The following ACER1 variants were observed in gnomAD, a reference collection of about 807,000 sequenced individuals.
ACER1 encodes CTB-180A7.3.
In ACER1, 28 loss-of-function variants were observed where a neutral mutation model predicts 24.9. The ratio of observed to expected loss-of-function variants is 1.13; its 90% CI spans 0.83 to 1.54. The LOEUF is 1.54. ACER1 is among the 40% of genes most tolerant of loss of function. The pLI is 0.00. For synonymous variants in ACER1, 132 were observed against 131.4 expected, an observed-to-expected ratio of 1.00 and a Z score of -0.03; for missense variants, 352 against 349.3, an observed-to-expected ratio of 1.01 and a Z score of -0.06.
At chr19:6,339,307 C>G in the ACER1 span, among the ~76,000 whole-genome samples, 709 of 152,302 alleles carry the variant, frequency 4.7e-3, 5 homozygotes, top group African/African-American at 0.016. Context: ...AATTCTGATA[C>G]AGGCAACAAC....
intron 1 of ACER1, among the ~76,000 whole-genome samples, chr19:6,325,106 C>T (rs908971724): frequency 2.6e-5 from 4 of 152,110 alleles, no homozygotes; most frequent in African/African-American, 9.7e-5. Flanking sequence ...TCTCTCTGCC[C>T]ATCTGCCAAA....
intron 1 of ACER1, among the ~76,000 whole-genome samples, chr19:6,313,948 G>C (rs2091592463): frequency 6.6e-6 from 1 of 152,078 alleles, no homozygotes; most frequent in Admixed American, 6.6e-5. Flanking sequence ...TCCCTATACA[G>C]TCATCAGACA....
the ACER1 span, among the ~76,000 whole-genome samples, chr19:6,349,549 A>G: frequency 6.6e-6 from 1 of 152,044 alleles, no homozygotes; most frequent in Non-Finnish European, 1.5e-5. Context: ...AAGGGCAGAC[A>G]GAACTGGGCA....
chr19:6,335,009 A>C (rs2091707205), upstream of ACER1, among the ~76,000 whole-genome samples: 1 of 145,928 alleles, frequency 6.9e-6, no homozygotes, highest in Non-Finnish European at 1.5e-5. Flanking sequence ...AAGTGTGCAT[A>C]ACAATAATAA....
the ACER1 span, among the ~76,000 whole-genome samples, chr19:6,352,959 G>A: frequency 8.5e-5 from 13 of 152,308 alleles, 1 homozygote; most frequent in East Asian, 2.5e-3. Context: ...GGTTGATTTG[G>A]AGCCAAGAGC....
chr19:6,308,401 C>T (rs1255058823), intron 4 of ACER1, among the ~76,000 whole-genome samples: 2 of 148,202 alleles, frequency 1.3e-5, no homozygotes, highest in African/African-American at 2.5e-5. Context: ...CACCATTGCA[C>T]TCCAGCCTGG....
chr19:6,336,963 G>A (rs2091716992), upstream of ACER1, among the ~76,000 whole-genome samples: 1 of 151,916 alleles, frequency 6.6e-6, no homozygotes, highest in South Asian at 2.1e-4. Flanking sequence ...AGCACTTGAG[G>A]TCAGGAGTTC....
chr19:6,327,803 A>G (rs111372085), intron 1 of ACER1, among the ~76,000 whole-genome samples: 21,076 of 151,792 alleles, frequency 0.14, 2,753 homozygotes, highest in African/African-American at 0.35. Context: ...TTGGCCAGGC[A>G]CGGTGGCTTG....
In ACER1 at chr19:6,306,592, A is replaced by G. The variant is rs891544592; in HGVS notation, c.*122T>C. 9 of 1,209,598 alleles carry G rather than the reference A, an allele frequency of 7.4e-6. No homozygotes were observed. Among genetic ancestry groups the G allele is most frequent in the Non-Finnish European group, 1.0e-5 (9 of 872,502 alleles). The allele number at this position is 1,209,598 out of a possible 1,614,324, so 74.9% of individuals were successfully genotyped here. A position where few individuals can be genotyped will look rare whatever the true frequency, so the allele number is the denominator to read the frequency against. On this transcript the variant is annotated 3_prime_UTR_variant, in exon 6 of 6. Transcript: ENST00000301452. ...CAGGGCAGCGCAGGACAAGGAGGAC[A>G]CGGAAGGGGAAACAGAGGAAGGAAC...
rs756498234 is a variant in ACER1, at chr19:6,312,263, G to A, written c.236C>T (p.Thr79Met). 20 of 1,614,018 alleles carry A rather than the reference G, an allele frequency of 1.2e-5. No individual in the cohort carries two copies. The highest frequency in any genetic ancestry group is 1.6e-4 in the Middle Eastern group (1 of 6,084). Residue 79 changes from threonine (T) to methionine (M), a missense_variant, in exon 3 of 6, where the codon ACG (threonine) becomes ATG (methionine). By Grantham distance (81) the Thr-to-Met change is moderately conservative (BLOSUM62 -1). Coordinates refer to ENST00000301452, the MANE Select transcript of ACER1 (RefSeq NM_133492.3). The stretch of plus-strand genomic sequence containing the variant: ...CAGCAGCTGGCCCAGGAAGCTGAGC[G>A]TCATGTGGAAATACATGGAGAACAG... ...IGLFSMYFHM[T>M]LSFLGQLLDE...
the ACER1 span, among the ~76,000 whole-genome samples, chr19:6,348,993 T>A: frequency 0.017 from 2,520 of 151,516 alleles, 65 homozygotes; most frequent in African/African-American, 0.059. Flanking sequence ...GAGGCGCGGG[T>A]TGCAGTGAGC....
upstream of ACER1, among the ~76,000 whole-genome samples, chr19:6,335,224 C>CTTTTTTTTTT (rs146932699): frequency 7.6e-4 from 78 of 102,226 alleles, no homozygotes; most frequent in Non-Finnish European, 1.0e-3. Flanking sequence ...ATTTAACGTT[C>CTTTTTTTTTT]TTTTTTTTTT....
chr19:6,315,680 A>C (rs1253609870), intron 1 of ACER1, among the ~76,000 whole-genome samples: 1 of 144,058 alleles, frequency 6.9e-6, no homozygotes, highest in East Asian at 2.4e-4. Context: ...CGGCCAGCCT[A>C]ATTTTTGTAT....
At chr19:6,307,739 C>T (rs377626758) in intron 4 of ACER1, among the ~76,000 whole-genome samples, 4 of 152,078 alleles carry the variant, frequency 2.6e-5, no homozygotes, top group African/African-American at 9.6e-5. Context: ...TGCAGTGAGC[C>T]GTGATTGCGC....
At chr19:6,345,834 G>A in the ACER1 span, among the ~76,000 whole-genome samples, 1 of 151,606 alleles carries the variant, frequency 6.6e-6, no homozygotes, top group Non-Finnish European at 1.5e-5. Flanking sequence ...CAAAGTGCTG[G>A]GATGACAGGC....
At chr19:6,319,466 A>C (rs1047433334) in intron 1 of ACER1, among the ~76,000 whole-genome samples, 1 of 152,164 alleles carries the variant, frequency 6.6e-6, no homozygotes, top group South Asian at 2.1e-4. Flanking sequence ...TCTTGGTCCC[A>C]GCTCCAGCAG....
the ACER1 span, chr19:6,353,225 G>C: frequency 6.6e-6 from 1 of 152,260 alleles, no homozygotes; most frequent in South Asian, 2.1e-4. Context: ...TCAGCTGCTT[G>C]GCAAGCTAAG....
chr19:6,311,183 A>G (rs1410744725), intron 3 of ACER1, among the ~76,000 whole-genome samples: 1 of 151,408 alleles, frequency 6.6e-6, no homozygotes, highest in Non-Finnish European at 1.5e-5. Flanking sequence ...CAGTAGGGAT[A>G]AAGGAAAGAT....
At chr19:6,317,420 A>C (rs2091608709) in intron 1 of ACER1, among the ~76,000 whole-genome samples, 1 of 152,262 alleles carries the variant, frequency 6.6e-6, no homozygotes. Flanking sequence ...GTCCAAGGAC[A>C]GATGGGACAG....
Sources: gnomAD v4.1 joint callset for allele counts (sites outside exome capture counted in the v4.1 genomes callset) on GRCh38, gnomAD v4.1.1 for gene constraint, MANE v1.5 for transcripts, NCBI Gene and HGNC (gene_info 2026-07-23, HGNC 2026-07-21) for gene names.